GALNTL6: variants seen among roughly 807,000 people sequenced by gnomAD.
GALNTL6 encodes polypeptide N-acetylgalactosaminyltransferase-like 6.
A neutral mutation model predicts 73.7 loss-of-function variants in GALNTL6; 46 were observed. That is an observed-to-expected ratio of 0.62 (90% CI 0.49 to 0.80). The LOEUF (loss-of-function observed/expected upper bound fraction) is 0.80, where lower values mean the gene tolerates loss of function less well. Among genes scored for constraint, GALNTL6 ranks in the 30% least tolerant of loss-of-function variants. The pLI is 0.00. For synonymous variants in GALNTL6, 259 were observed against 263.7 expected, an observed-to-expected ratio of 0.98 and a Z score of 0.17; for missense variants, 604 against 755.0, an observed-to-expected ratio of 0.80 and a Z score of 2.34.
intron 2 of GALNTL6, among the ~76,000 whole-genome samples, chr4:172,190,847 T>C (rs1735556355): frequency 6.6e-6 from 1 of 152,242 alleles, no homozygotes; most frequent in Admixed American, 6.5e-5. Flanking sequence ...CCTGTCACTG[T>C]ACTGCAACTG....
At chr4:172,192,931 C>A (rs1735630627) in intron 2 of GALNTL6, among the ~76,000 whole-genome samples, 1 of 152,162 alleles carries the variant, frequency 6.6e-6, no homozygotes, top group African/African-American at 2.4e-5. Context: ...TAGGTGGGAC[C>A]CTGATCCATT....
At chr4:171,969,214 G>T (rs1443300083) in intron 2 of GALNTL6, among the ~76,000 whole-genome samples, 1 of 152,090 alleles carries the variant, frequency 6.6e-6, no homozygotes, top group Non-Finnish European at 1.5e-5. Context: ...TCTGGTCCTA[G>T]GTTAAACATC....
At chr4:172,136,175 C>T (rs1415969553) in intron 2 of GALNTL6, among the ~76,000 whole-genome samples, 1 of 152,018 alleles carries the variant, frequency 6.6e-6, no homozygotes, top group Non-Finnish European at 1.5e-5. Context: ...ATAATTCAAA[C>T]AAGCCTCACA....
At chr4:172,875,985 A>G (rs987002498) in intron 7 of GALNTL6, among the ~76,000 whole-genome samples, 1 of 152,202 alleles carries the variant, frequency 6.6e-6, no homozygotes, top group African/African-American at 2.4e-5. Context: ...ATATGGAGGC[A>G]GCAATATTCT....
chr4:172,644,833 A>T (rs1301988205), intron 5 of GALNTL6, among the ~76,000 whole-genome samples: 4 of 151,932 alleles, frequency 2.6e-5, no homozygotes, highest in African/African-American at 9.7e-5. Flanking sequence ...GTCAATTTAC[A>T]CTACCAGCAG....
chr4:171,985,184 G>A lies in GALNTL6; in HGVS notation c.138+170466G>A, dbSNP rs894162969. On this transcript the variant is annotated intron_variant, in intron 2 of 12. Transcript: ENST00000506823. ...TCACACCACTGATAAAGATATGCCT[G>A]AGACTGGGTATTTTATAAAGAAAAA... Among the ~76,000 whole-genome samples, 13 of 152,182 alleles carry A rather than the reference G, an allele frequency of 8.5e-5. No homozygotes were observed. In the East Asian group the frequency reaches 2.5e-3, roughly 29 times the overall value.
chr4:172,376,386 G>A (rs1743029691), intron 5 of GALNTL6, among the ~76,000 whole-genome samples: 1 of 152,102 alleles, frequency 6.6e-6, no homozygotes, highest in Non-Finnish European at 1.5e-5. Flanking sequence ...ATGGCCGCAT[G>A]GTCAACCAAC....
In GALNTL6 at chr4:172,512,085, C is replaced by T. The variant is rs1358105910; in HGVS notation, c.553+163396C>T. On this transcript the variant is annotated intron_variant, in intron 5 of 12. Transcript: ENST00000506823. Reference sequence around the variant, plus strand: ...TTGCCATGTATCTCATTTCTTATGTCTAGTAGTAATTGTTGTATAAATTTG... The same window carrying T: ...TTGCCATGTATCTCATTTCTTATGTTTAGTAGTAATTGTTGTATAAATTTG... Among the ~76,000 whole-genome samples, 14 of 54,722 alleles carry T rather than the reference C, an allele frequency of 2.6e-4. 5 individuals are homozygous for T. Among genetic ancestry groups the T allele is most frequent in the African/African-American group, 6.4e-4 (14 of 22,018 alleles). The allele number at this position is 54,722 out of a possible 152,430, so 35.9% of individuals were successfully genotyped here.
At chr4:172,896,024 T>C (rs1746311620) in intron 8 of GALNTL6, among the ~76,000 whole-genome samples, 1 of 152,224 alleles carries the variant, frequency 6.6e-6, no homozygotes, top group Non-Finnish European at 1.5e-5. Context: ...GGATTAACTA[T>C]CTGTATTTCC....
At chr4:173,013,561 C>G (rs1752647274) in intron 11 of GALNTL6, among the ~76,000 whole-genome samples, 1 of 151,554 alleles carries the variant, frequency 6.6e-6, no homozygotes, top group Non-Finnish European at 1.5e-5. Context: ...CCCCACGTCC[C>G]CCAACTCCCC....
chr4:171,830,925 C>T (rs954891610), intron 2 of GALNTL6, among the ~76,000 whole-genome samples: 1 of 151,820 alleles, frequency 6.6e-6, no homozygotes, highest in African/African-American at 2.4e-5. Context: ...AAATAACTAC[C>T]ACGGCAATTT....
intron 12 of GALNTL6, among the ~76,000 whole-genome samples, chr4:173,021,903 G>T (rs184179231): frequency 6.6e-6 from 1 of 151,978 alleles, no homozygotes; most frequent in Admixed American, 6.6e-5. Flanking sequence ...TGAGGCAGGA[G>T]AATCACTTTG....
chr4:171,908,949 A>T lies in GALNTL6; in HGVS notation c.138+94231A>T, dbSNP rs1265205158. 6.1e-4 allele frequency among the ~76,000 whole-genome samples: 83 copies of T among 135,812 alleles called. 1 individual carries two copies. Among genetic ancestry groups the T allele is most frequent in the South Asian group, 4.9e-4 (2 of 4,086 alleles). 89.1% of individuals were successfully genotyped at this position (135,812 alleles called of 152,430 possible). On this transcript the variant is annotated intron_variant, in intron 2 of 12. Transcript: ENST00000506823. Reference sequence around the variant, plus strand: ...CATAGGTGGGAATTGAACAATGAGAACACATGGACACAGGAAGGGGAACAT... The same window carrying T: ...CATAGGTGGGAATTGAACAATGAGATCACATGGACACAGGAAGGGGAACAT...
At chr4:172,977,291 A>G (rs1579734063) in intron 10 of GALNTL6, among the ~76,000 whole-genome samples, 1 of 152,300 alleles carries the variant, frequency 6.6e-6, no homozygotes, top group East Asian at 1.9e-4. Flanking sequence ...TGAAGCTAGG[A>G]ATATTTGAGT....
In GALNTL6 at chr4:171,955,161, T is replaced by C. The variant is rs576462616; in HGVS notation, c.138+140443T>C. 2.6e-5 allele frequency among the ~76,000 whole-genome samples: 4 copies of C among 152,246 alleles called. No individual in the cohort carries two copies. In the East Asian group the frequency reaches 5.8e-4, roughly 22 times the overall value. Reference sequence around the variant, plus strand: ...AGGACCTCTTGTGTAAAAGAAATAGTTCACAATTTGAGTGATTTTCTTTTA... The same window carrying C: ...AGGACCTCTTGTGTAAAAGAAATAGCTCACAATTTGAGTGATTTTCTTTTA... On this transcript the variant is annotated intron_variant, in intron 2 of 12. Transcript: ENST00000506823.
At chr4:172,455,183 T>C (rs1732348560) in intron 5 of GALNTL6, among the ~76,000 whole-genome samples, 1 of 152,184 alleles carries the variant, frequency 6.6e-6, no homozygotes, top group Non-Finnish European at 1.5e-5. Context: ...TTGGCCCAGC[T>C]ACTACACTTT....
At chr4:172,994,780 C>T (rs541508079) in intron 10 of GALNTL6, among the ~76,000 whole-genome samples, 35 of 152,100 alleles carry the variant, frequency 2.3e-4, no homozygotes, top group Non-Finnish European at 4.6e-4. Flanking sequence ...CTTGAAAAGC[C>T]CCATGGGTCT....
At position 172,503,646 on chromosome 4, in the gene GALNTL6, T is replaced by C. The variant is rs1177773156; in HGVS notation, c.553+154957T>C. On this transcript the variant is annotated intron_variant, in intron 5 of 12. Coordinates refer to ENST00000506823, the MANE Select transcript of GALNTL6 (RefSeq NM_001034845.3). ...ATACAGATACTTAAAAAATGTACAC[T>C]ACTATGGAATTTACAAAAATGTTAC... 4.6e-5 allele frequency among the ~76,000 whole-genome samples: 7 copies of C among 150,860 alleles called. No homozygotes were observed. In the East Asian group the frequency reaches 1.4e-3, roughly 29 times the overall value.
At chr4:172,277,513 C>T (rs1441532047) in intron 3 of GALNTL6, among the ~76,000 whole-genome samples, 2 of 152,150 alleles carry the variant, frequency 1.3e-5, no homozygotes, top group Non-Finnish European at 1.5e-5. Context: ...AATCTAGAGT[C>T]AATAGGTAAG....
Sources: gnomAD v4.1 joint callset for allele counts (sites outside exome capture counted in the v4.1 genomes callset) on GRCh38, gnomAD v4.1.1 for gene constraint, MANE v1.5 for transcripts, NCBI Gene and HGNC (gene_info 2026-07-23, HGNC 2026-07-21) for gene names.